The following TTN variants were observed in gnomAD, a reference collection of about 807,000 sequenced individuals.
TTN encodes titin, also known as connectin.
A neutral mutation model predicts 3,223.0 loss-of-function variants in TTN; 1,525 were observed. The observed-to-expected ratio is 0.47, with a 90% CI of 0.45 to 0.49. The LOEUF (loss-of-function observed/expected upper bound fraction) is 0.49. Ranked by LOEUF, TTN falls within the 20% of genes least tolerant of loss-of-function variation. TTN has a pLI of 0.00. For synonymous variants in TTN, 14,094 were observed against 15,161.0 expected (o/e 0.93, Z 5.17); for missense variants, 40,786 against 43,424.0 (o/e 0.94, Z 5.40).
In TTN at chr2:178,556,890, G is replaced by C. The variant is rs1414305688; in HGVS notation, c.88264C>G (p.Pro29422Ala). 1.2e-6 allele frequency: 2 copies of C among 1,613,800 alleles called. No individual in the cohort carries two copies. Among genetic ancestry groups the C allele is most frequent in the Middle Eastern group, 3.3e-4 (2 of 6,060 alleles). ...ARNAVGSISN[P>A]SEVVGPITCI... Reference sequence around the variant, plus strand: ...GTAATGGGCCCTACAACCTCAGATGGATTGCTAATGGAACCAACAGCATTC... The same window carrying C: ...GTAATGGGCCCTACAACCTCAGATGCATTGCTAATGGAACCAACAGCATTC... The change falls in exon 330 of 363, where the codon CCA becomes GCA. Residue 29422 changes from proline to alanine, a missense_variant. Physicochemically the swap from Pro to Ala is conservative, Grantham distance 27. Transcript: ENST00000589042.
rs749251609 is a variant in TTN, at chr2:178,611,037, T to C, written c.51092A>G (p.Asn17031Ser). 1.9e-6 allele frequency: 3 copies of C among 1,612,574 alleles called. No homozygotes were observed. The highest frequency in any genetic ancestry group is 2.5e-6 in the Non-Finnish European group (3 of 1,179,116). The change falls in exon 270 of 363, where the codon AAT (asparagine) becomes AGT (serine). Residue 17031 changes from asparagine to serine, a missense_variant. Asn to Ser is a conservative substitution (Grantham distance 46). Transcript: ENST00000589042. Reference sequence around the variant, plus strand: ...TGAGGCTGTTGCTGAGCCGAGCTTATTCTCCAGTGTAATGGTATAAATTCC... The same window carrying C: ...TGAGGCTGTTGCTGAGCCGAGCTTACTCTCCAGTGTAATGGTATAAATTCC... Reference protein sequence around the residue: ...DAGIYTITLENKLGSATASIN... With the variant: ...DAGIYTITLESKLGSATASIN...
Position 178,591,624 on chromosome 2 carries a change from G to A in TTN, c.60195C>T (p.Ile20065=). ...IVGLGLPDTT[I]PIECQEKLVP... is the part of the protein sequence containing the mutation. ...CTAGTTTTTCTTGACATTCTATCGG[G>A]ATAGTTGTGTCAGGGAGACCAAGAC... Residue 20065 remains isoleucine (I), a synonymous_variant, in exon 303 of 363, where the codon ATC becomes ATT. Coordinates refer to ENST00000589042, the MANE Select transcript of TTN (RefSeq NM_001267550.2). The A allele has an allele frequency of 1.2e-6, 2 of 1,613,292 alleles. No individual in the cohort carries two copies. The highest frequency in any genetic ancestry group is 1.7e-6 in the Non-Finnish European group (2 of 1,179,504).
At position 178,613,146 on chromosome 2, in the gene TTN, TTA is replaced by T; in HGVS notation, c.49648+13_49648+14del. On this transcript the variant is annotated intron_variant, in intron 264 of 362. Coordinates refer to ENST00000589042, the MANE Select transcript of TTN (RefSeq NM_001267550.2). ...ATGAACTTCGAAATAACCACAAAAA[TTA>T]TATAAATAATACCTATGGGATCCTT... is the stretch of plus-strand genomic sequence containing the variant. The T allele has an allele frequency of 6.2e-7, 1 of 1,607,162 alleles. No individual in the cohort carries two copies. Among genetic ancestry groups the T allele is most frequent in the Non-Finnish European group, 8.5e-7 (1 of 1,177,612 alleles).
rs1397976217 is a variant in TTN, at chr2:178,785,960, G to A, written c.2258C>T (p.Pro753Leu). 1.4e-5 allele frequency: 22 copies of A among 1,614,014 alleles called. No individual in the cohort carries two copies. The highest frequency in any genetic ancestry group is 3.3e-5 in the Admixed American group (2 of 59,996). Residue 753 changes from proline (P) to leucine (L), a missense_variant, in exon 14 of 363, where the codon CCA becomes CTA. Physicochemically the swap from Pro to Leu is moderately conservative, Grantham distance 98. Coordinates refer to ENST00000589042, the MANE Select transcript of TTN (RefSeq NM_001267550.2). The part of the protein sequence containing the change: ...AAKVAEPPQR[P>L]ASEPHVVPKA... Reference sequence around the variant, plus strand: ...AGGGACAACGTGGGGTTCTGAGGCTGGACGTTGGGGAGGCTCAGCTACCTT... The same window carrying A: ...AGGGACAACGTGGGGTTCTGAGGCTAGACGTTGGGGAGGCTCAGCTACCTT...
chr2:178,775,982 A>G lies in TTN; in HGVS notation c.5882T>C (p.Val1961Ala), dbSNP rs1407808102. The G allele has an allele frequency of 2.5e-6, 4 of 1,613,964 alleles. No homozygotes were observed. The highest frequency in any genetic ancestry group is 1.7e-6 in the Non-Finnish European group (2 of 1,180,002). ...GTCAACAGGTCTATCCACTTTTTGT[A>G]CTTCAAACTGAAGCTTTCCTGGTTC... is the stretch of plus-strand genomic sequence containing the variant. ...VHEPGKLQFE[V>A]QKVDRPVDTT... The change falls in exon 28 of 363, where the codon GTA becomes GCA. Residue 1961 changes from valine (V) to alanine (A), a missense_variant. Physicochemically the swap from Val to Ala is moderately conservative, Grantham distance 64. Coordinates refer to ENST00000589042, the MANE Select transcript of TTN (RefSeq NM_001267550.2).
intron 43 of TTN, among the ~76,000 whole-genome samples, chr2:178,759,661 T>C (rs1401321445): frequency 6.6e-6 from 1 of 152,152 alleles, no homozygotes; most frequent in Non-Finnish European, 1.5e-5. Flanking sequence ...AAGTCTAAAA[T>C]AGATACCTTT....
At chr2:178,766,161 T>A (rs2090366853) in intron 41 of TTN, among the ~76,000 whole-genome samples, 1 of 152,198 alleles carries the variant, frequency 6.6e-6, no homozygotes, top group African/African-American at 2.4e-5. Context: ...CAGATGAGGA[T>A]CTGGCCATCA....
chr2:178,638,101 A>G (rs966135704), intron 223 of TTN, among the ~76,000 whole-genome samples: 3 of 152,062 alleles, frequency 2.0e-5, no homozygotes, highest in African/African-American at 7.2e-5. Context: ...ATTAGACAAG[A>G]GCAGTTCATC....
In TTN at chr2:178,693,839, G is replaced by A. The variant is rs181821077; in HGVS notation, c.31513+83C>T. On this transcript the variant is annotated intron_variant, in intron 118 of 362. Transcript: ENST00000589042. ...TACAAGGAGACAGAAATGTCTACAC[G>A]ATCACAAATTAGACAACAAGAGGGA... The A allele has an allele frequency of 9.2e-6, 12 of 1,307,018 alleles. No individual in the cohort carries two copies. The East Asian group carries it at 1.9e-4, about 21-fold the overall frequency. 81.0% of individuals were successfully genotyped at this position (1,307,018 alleles called of 1,614,324 possible).
chr2:178,789,415 C>T lies in TTN; in HGVS notation c.2021G>A (p.Arg674Lys), dbSNP rs2093372335. The T allele has an allele frequency of 6.2e-6, 10 of 1,613,342 alleles. No homozygotes were observed. Among genetic ancestry groups the T allele is most frequent in the Non-Finnish European group, 7.6e-6 (9 of 1,179,546 alleles). The change falls in exon 13 of 363, where the codon AGA (arginine) becomes AAA (lysine). Residue 674 changes from arginine (R) to lysine (K), a missense_variant. By Grantham distance (26) the Arg-to-Lys change is conservative. Transcript: ENST00000589042. ...TCTAGTAGCCATAGTTTCTCTAGTT[C>T]TCAGTATTGTTTCTTGTTCTTTGGC... ...AKAKEQETIL[R>K]TRETMATRQE...
chr2:178,663,576 T>C, intron 171 of TTN, 51 bp downstream of exon 171: 1 of 1,613,374 alleles, frequency 6.2e-7, no homozygotes, highest in Non-Finnish European at 8.5e-7. Flanking sequence ...AAAAATATTT[T>C]CCAGAGCAGA....
In TTN at chr2:178,593,752, A is replaced by T; in HGVS notation, c.58548T>A (p.Ile19516=). 1 of 1,613,246 alleles carries T rather than the reference A, an allele frequency of 6.2e-7. No individual in the cohort carries two copies. Among genetic ancestry groups the T allele is most frequent in the South Asian group, 1.1e-5 (1 of 91,056 alleles). Residue 19516 remains isoleucine (I), a synonymous_variant, in exon 298 of 363, where the codon ATT becomes ATA. Coordinates refer to ENST00000589042, the MANE Select transcript of TTN (RefSeq NM_001267550.2). ...CTTTACCCACTTCCTTCTTCTCAAT[A>T]ATATAATTGGTGATTTTACTGCCTC... The part of the protein sequence containing the change: ...DDGGSKITNY[I]IEKKEVGKDV...
At chr2:178,660,772 C>G (rs1225669341) in intron 180 of TTN, among the ~76,000 whole-genome samples, 2 of 152,266 alleles carry the variant, frequency 1.3e-5, no homozygotes, top group African/African-American at 4.8e-5. Flanking sequence ...TTTTTGCAAT[C>G]TACTCATCTG....
Position 178,733,620 on chromosome 2 carries a change from C to G in TTN, c.15769G>C (p.Val5257Leu), listed in dbSNP as rs879227338. The change falls in exon 53 of 363, where the codon GTT becomes CTT. Residue 5257 changes from valine to leucine, a missense_variant. Physicochemically the swap from Val to Leu is conservative, Grantham distance 32. Transcript: ENST00000589042. ...GSQTSVGELI[V>L]KEPAKIIERA... is the part of the protein sequence containing the mutation. Reference sequence around the variant, plus strand: ...TAAATGTTCCTACACAAACCTTTAACTATTAATTCCCCAACAGATGTTTGG... The same window carrying G: ...TAAATGTTCCTACACAAACCTTTAAGTATTAATTCCCCAACAGATGTTTGG... 4 of 1,610,180 alleles carry G rather than the reference C, an allele frequency of 2.5e-6. No homozygotes were observed. The highest frequency in any genetic ancestry group is 3.4e-6 in the Non-Finnish European group (4 of 1,177,206).
chr2:178,711,832 G>T, intron 96 of TTN, 112 bp downstream of exon 96: 2 of 1,297,758 alleles, frequency 1.5e-6, no homozygotes, highest in Non-Finnish European at 2.1e-6. Context: ...GATTACTTAA[G>T]CAGAATTTTA....
Position 178,709,642 on chromosome 2 carries a change from G to A in TTN, c.28677C>T (p.Asn9559=), listed in dbSNP as rs775065173. 53 of 1,613,762 alleles carry A rather than the reference G, an allele frequency of 3.3e-5. No homozygotes were observed. Among genetic ancestry groups the A allele is most frequent in the Middle Eastern group, 1.6e-4 (1 of 6,084 alleles). The change falls in exon 99 of 363, where the codon AAC becomes AAT. Residue 9559 remains asparagine, a synonymous_variant. Coordinates refer to ENST00000589042, the MANE Select transcript of TTN (RefSeq NM_001267550.2). ...LVLQVRKAGM[N]DAGLYTCKVS... ...CTTTGCATGTGTACAAACCAGCGTC[G>A]TTCATGCCTGCTTTCCTGACTTGCA...
In TTN at chr2:178,592,009, T is replaced by C. The variant is rs1485968147; in HGVS notation, c.59895A>G (p.Thr19965=). The C allele has an allele frequency of 6.2e-7, 1 of 1,612,914 alleles. No homozygotes were observed. Among genetic ancestry groups the C allele is most frequent in the African/African-American group, 1.3e-5 (1 of 74,914 alleles). Residue 19965 remains threonine (T), a synonymous_variant, in exon 302 of 363, where the codon ACA becomes ACG. Transcript: ENST00000589042. The part of the protein sequence containing the change: ...NQYGRGPFVE[T]PKPIKALDPL... ...GATCCAAAGCCTTGATTGGTTTTGG[T>C]GTTTCAACAAAAGGACCACGTCCAT...
Position 178,621,006 on chromosome 2 carries a change from G to A in TTN, c.45617-13C>T, listed in dbSNP as rs570853409. 1.8e-5 allele frequency: 29 copies of A among 1,607,862 alleles called. No individual in the cohort carries two copies. The Admixed American group carries it at 3.6e-4, about 20-fold the overall frequency. ...ATCCTGAGTTTTTCTGAAAGCAACC[G>A]ACAAGACTTTATAGTATGAATAATG... On this transcript the variant is annotated splice_polypyrimidine_tract_variant and intron_variant, in intron 246 of 362. Coordinates refer to ENST00000589042, the MANE Select transcript of TTN (RefSeq NM_001267550.2).
intron 129 of TTN, 25 bp from the exon 130 acceptor site, chr2:178,685,014 T>G (rs760072207): frequency 6.4e-7 from 1 of 1,556,100 alleles, no homozygotes; most frequent in South Asian, 1.2e-5. Context: ...GGTTTAAGAA[T>G]ATGAGTTTGC....
Sources: gnomAD v4.1 joint callset for allele counts (sites outside exome capture counted in the v4.1 genomes callset) on GRCh38, gnomAD v4.1.1 for gene constraint, MANE v1.5 for transcripts, NCBI Gene and HGNC (gene_info 2026-07-23, HGNC 2026-07-21) for gene names.